CLASP2: variants seen among roughly 807,000 people sequenced by gnomAD.
The protein encoded by CLASP2 is cytoplasmic linker associated protein 2, also known as CLIP-associating protein 2.
A neutral mutation model predicts 194.4 loss-of-function variants in CLASP2; 47 were observed. The observed-to-expected ratio is 0.24, with a 90% CI of 0.19 to 0.31. The LOEUF (loss-of-function observed/expected upper bound fraction) is 0.31. CLASP2 is among the 10% of genes least tolerant of loss of function. The pLI is 1.00. For missense variants in CLASP2, 1,445 were observed against 1,823.6 expected (o/e 0.79, Z 3.78); for synonymous variants, 619 against 633.5 (o/e 0.98, Z 0.34).
intron 33 of CLASP2, 53 bp from the exon 34 acceptor site, chr3:33,535,514 A>G: frequency 7.4e-7 from 1 of 1,343,862 alleles, no homozygotes. Flanking sequence ...TCAAGTATCT[A>G]TTTAACATTC....
intron 1 of CLASP2, among the ~76,000 whole-genome samples, chr3:33,717,583 C>T (rs1252471030): frequency 6.6e-6 from 1 of 152,038 alleles, no homozygotes; most frequent in African/African-American, 2.4e-5. Flanking sequence ...CCCGCCACCA[C>T]GCCCGGCTAA....
intron 33 of CLASP2, among the ~76,000 whole-genome samples, chr3:33,535,870 A>T (rs1384731835): frequency 1.3e-5 from 2 of 151,990 alleles, no homozygotes; most frequent in Non-Finnish European, 2.9e-5. Flanking sequence ...ATCATACAAC[A>T]GTATGTCAAA....
At chr3:33,701,449 A>T (rs868426921) in intron 1 of CLASP2, among the ~76,000 whole-genome samples, 3 of 152,246 alleles carry the variant, frequency 2.0e-5, no homozygotes, top group Admixed American at 1.3e-4. Context: ...TTTTAAAAGT[A>T]GCTGGCCATG....
chr3:33,616,441 G>T (rs1266799200), intron 12 of CLASP2, among the ~76,000 whole-genome samples: 1 of 151,890 alleles, frequency 6.6e-6, no homozygotes, highest in Non-Finnish European at 1.5e-5. Flanking sequence ...TTAGCCAACC[G>T]AATCTAGCAG....
chr3:33,535,007 T>C (rs1205167244), intron 34 of CLASP2, among the ~76,000 whole-genome samples: 1 of 152,196 alleles, frequency 6.6e-6, no homozygotes, highest in Non-Finnish European at 1.5e-5. Context: ...TAACTAAGGT[T>C]TTCTTGATTT....
chr3:33,606,285 T>C (rs1299083827), intron 16 of CLASP2, among the ~76,000 whole-genome samples: 1 of 152,134 alleles, frequency 6.6e-6, no homozygotes, highest in Non-Finnish European at 1.5e-5. Flanking sequence ...CTCCATTAAA[T>C]GGGCTATTTA....
At chr3:33,706,158 G>A (rs2092672267) in intron 1 of CLASP2, among the ~76,000 whole-genome samples, 1 of 152,112 alleles carries the variant, frequency 6.6e-6, no homozygotes, top group African/African-American at 2.4e-5. Flanking sequence ...TGAGGTGGAA[G>A]GATCACCTGA....
intron 38 of CLASP2, among the ~76,000 whole-genome samples, chr3:33,500,409 G>A (rs2046572472): frequency 6.6e-6 from 1 of 152,068 alleles, no homozygotes; most frequent in Non-Finnish European, 1.5e-5. Context: ...GCTACCTACT[G>A]TTCTGATAAA....
intron 7 of CLASP2, among the ~76,000 whole-genome samples, chr3:33,649,255 C>T (rs1256717793): frequency 6.6e-6 from 1 of 152,178 alleles, no homozygotes; most frequent in East Asian, 1.9e-4. Flanking sequence ...TTCCCAACAC[C>T]CTGGTACTCT....
intron 1 of CLASP2, among the ~76,000 whole-genome samples, chr3:33,711,993 T>C (rs1575787836): frequency 6.6e-6 from 1 of 152,144 alleles, no homozygotes; most frequent in East Asian, 1.9e-4. Context: ...TACCATTCCA[T>C]CCAGCAATCC....
chr3:33,589,679 C>A (rs1168160230), intron 21 of CLASP2, among the ~76,000 whole-genome samples: 1 of 151,996 alleles, frequency 6.6e-6, no homozygotes, highest in African/African-American at 2.4e-5. Context: ...TGTGTTTTCA[C>A]AATTTAGGAG....
intron 29 of CLASP2, chr3:33,554,836 GGCTGGT>G (rs1365815713): frequency 6.5e-6 from 1 of 153,012 alleles, no homozygotes; most frequent in Non-Finnish European, 1.5e-5. Flanking sequence ...AGATGAGAAA[GGCTGGT>G]ATATTTCAGA....
chr3:33,711,899 G>A (rs1348048176), intron 1 of CLASP2, among the ~76,000 whole-genome samples: 1 of 152,144 alleles, frequency 6.6e-6, no homozygotes, highest in African/African-American at 2.4e-5. Flanking sequence ...CATGTGATGT[G>A]ATGAAAAAGG....
intron 6 of CLASP2, among the ~76,000 whole-genome samples, chr3:33,664,787 T>C (rs756665292): frequency 4.0e-5 from 6 of 151,806 alleles, no homozygotes; most frequent in Non-Finnish European, 8.8e-5. Flanking sequence ...GAAGGAAGCA[T>C]TGGAATTGGA....
Position 33,559,308 on chromosome 3 carries a change from T to C in CLASP2, c.3008A>G (p.Lys1003Arg). 2 of 1,554,370 alleles carry C rather than the reference T, an allele frequency of 1.3e-6. No homozygotes were observed. Among genetic ancestry groups the C allele is most frequent in the African/African-American group, 1.4e-5 (1 of 73,898 alleles). The change falls in exon 29 of 39, where the codon AAG becomes AGG. Residue 1003 changes from lysine (K) to arginine (R), a missense_variant and splice_region_variant. By Grantham distance (26) the Lys-to-Arg change is conservative. Around this residue, in one of 4 missense-constraint regions of CLASP2, gnomAD observed 732 missense variants for 987.9 expected, o/e 0.74. Coordinates refer to ENST00000682230, the MANE Select transcript of CLASP2 (RefSeq NM_001365631.1). ...TVDQTQTPSL[K>R]VKVAILKYIE... is the part of the protein sequence containing the mutation. Reference sequence around the variant, plus strand: ...CTTCAAAAGATCTCAAAGTTTTACCTTTAAGCTTGGTGTCTGGGTCTGATC... The same window carrying C: ...CTTCAAAAGATCTCAAAGTTTTACCCTTAAGCTTGGTGTCTGGGTCTGATC...
intron 26 of CLASP2, among the ~76,000 whole-genome samples, chr3:33,567,247 T>C (rs1358508158): frequency 1.3e-5 from 2 of 152,214 alleles, no homozygotes; most frequent in East Asian, 1.9e-4. Context: ...AAAGTAACTA[T>C]ACTACTACTT....
intron 8 of CLASP2, among the ~76,000 whole-genome samples, chr3:33,638,156 G>A (rs1211490631): frequency 2.6e-5 from 4 of 152,044 alleles, no homozygotes; most frequent in Non-Finnish European, 5.9e-5. Flanking sequence ...AAATAAACAC[G>A]GAGTAATACG....
chr3:33,596,802 T>C, intron 18 of CLASP2, 68 bp from the exon 19 acceptor site: 4 of 1,262,332 alleles, frequency 3.2e-6, no homozygotes, highest in Non-Finnish European at 4.5e-6. Context: ...TTTTTATAAT[T>C]CCTAGAAAAC....
intron 34 of CLASP2, among the ~76,000 whole-genome samples, chr3:33,523,528 G>GA (rs929595181): frequency 1.3e-5 from 2 of 152,176 alleles, no homozygotes; most frequent in Non-Finnish European, 2.9e-5. Context: ...AGTGCTAAAA[G>GA]AAAAAAACTG....
Sources: gnomAD v4.1 joint callset for allele counts (sites outside exome capture counted in the v4.1 genomes callset) on GRCh38, gnomAD v4.1.1 for gene constraint, gnomAD v4.1.1 regional missense constraint, MANE v1.5 for transcripts, NCBI Gene and HGNC (gene_info 2026-07-23, HGNC 2026-07-21) for gene names.